GAS7: variants seen among roughly 807,000 people sequenced by gnomAD.
GAS7 encodes growth arrest specific 7.
A neutral mutation model predicts 71.1 loss-of-function variants in GAS7; 28 were observed. The observed-to-expected ratio is 0.39, with a 90% CI of 0.29 to 0.54. The LOEUF (loss-of-function observed/expected upper bound fraction) is 0.54, where lower values mean the gene tolerates loss of function less well. Ranked by LOEUF, GAS7 falls within the 20% of genes least tolerant of loss-of-function variation. GAS7 has a pLI of 0.62. For synonymous variants in GAS7, 258 were observed against 245.8 expected, an observed-to-expected ratio of 1.05 and a Z score of -0.46; for missense variants, 436 against 627.8, an observed-to-expected ratio of 0.69 and a Z score of 3.27.
chr17:10,065,480 G>A (rs2073272298), intron 1 of GAS7, among the ~76,000 whole-genome samples: 1 of 152,122 alleles, frequency 6.6e-6, no homozygotes, highest in African/African-American at 2.4e-5. Context: ...TCAGCTCCTG[G>A]TAGCCGCTGG....
chr17:10,098,606 T>C (rs2073667927), intron 1 of GAS7, among the ~76,000 whole-genome samples: 1 of 152,146 alleles, frequency 6.6e-6, no homozygotes, highest in Non-Finnish European at 1.5e-5. Context: ...GCTACAAGGA[T>C]TGGCTCAGAG....
chr17:10,092,098 CCT>C (rs1434467810), intron 1 of GAS7, among the ~76,000 whole-genome samples: 9 of 152,202 alleles, frequency 5.9e-5, no homozygotes, highest in Non-Finnish European at 7.3e-5. Context: ...ACAATGGCCT[CCT>C]CTGAGTCCTC....
chr17:10,023,465 T>C (rs1440170057), intron 1 of GAS7, among the ~76,000 whole-genome samples: 1 of 151,782 alleles, frequency 6.6e-6, no homozygotes, highest in Non-Finnish European at 1.5e-5. Context: ...GATGGATGGA[T>C]AGTGTAGTAC....
chr17:10,068,036 G>T (rs976810354), intron 1 of GAS7, among the ~76,000 whole-genome samples: 4 of 152,122 alleles, frequency 2.6e-5, no homozygotes, highest in African/African-American at 9.7e-5. Flanking sequence ...ACTATTTTGG[G>T]ATTGTGCTCT....
chr17:10,059,544 A>T (rs1006311056), intron 1 of GAS7: 4 of 207,548 alleles, frequency 1.9e-5, no homozygotes, highest in African/African-American at 7.1e-5. Flanking sequence ...TCCCCCCCAG[A>T]GCAGAGCCAA....
chr17:10,046,931 G>A (rs1040568837), intron 1 of GAS7, among the ~76,000 whole-genome samples: 1 of 148,712 alleles, frequency 6.7e-6, no homozygotes, highest in Non-Finnish European at 1.5e-5. Flanking sequence ...TTGTAAAAGG[G>A]GAAATAAGAC....
chr17:10,045,934 T>A (rs184281898), intron 1 of GAS7, among the ~76,000 whole-genome samples: 327 of 152,292 alleles, frequency 2.1e-3, no homozygotes, highest in African/African-American at 7.6e-3. Flanking sequence ...CCCTAAGCAA[T>A]AATATCTATG....
chr17:10,117,941 G>A (rs1261061083), intron 1 of GAS7, among the ~76,000 whole-genome samples: 2 of 152,266 alleles, frequency 1.3e-5, no homozygotes, highest in African/African-American at 2.4e-5. Flanking sequence ...TCCAGCGGCT[G>A]GAAGGACAAA....
intron 4 of GAS7, among the ~76,000 whole-genome samples, chr17:9,963,057 A>G (rs927833802): frequency 6.6e-6 from 1 of 152,132 alleles, no homozygotes; most frequent in Non-Finnish European, 1.5e-5. Flanking sequence ...AAAAAAAGAA[A>G]AAAAGGTGTA....
chr17:10,005,277 G>A (rs1215546827), intron 2 of GAS7, among the ~76,000 whole-genome samples: 1 of 147,784 alleles, frequency 6.8e-6, no homozygotes, highest in Non-Finnish European at 1.5e-5. Context: ...GTATGTATAT[G>A]TATATACATG....
intron 1 of GAS7, among the ~76,000 whole-genome samples, chr17:10,130,168 CAA>C (rs531238905): frequency 2.4e-5 from 2 of 82,940 alleles, no homozygotes; most frequent in Admixed American, 1.5e-4. Context: ...GACTCAGCCT[CAA>C]AAAAAAAAAC....
chr17:10,075,035 C>T (rs2073376521), intron 1 of GAS7, among the ~76,000 whole-genome samples: 1 of 151,760 alleles, frequency 6.6e-6, no homozygotes, highest in South Asian at 2.1e-4. Flanking sequence ...ACACACACAC[C>T]AGGACTAAAG....
chr17:10,069,579 GC>G (rs1414444652), intron 1 of GAS7, among the ~76,000 whole-genome samples: 8 of 152,188 alleles, frequency 5.3e-5, no homozygotes, highest in Admixed American at 4.6e-4. Flanking sequence ...CCTTAGAGAC[GC>G]AAAGCGACTT....
chr17:10,148,279 A>T (rs180797127), intron 1 of GAS7, among the ~76,000 whole-genome samples: 49 of 152,168 alleles, frequency 3.2e-4, no homozygotes, highest in African/African-American at 1.1e-3. Flanking sequence ...CTTCACCTGC[A>T]TCCCTTGGAT....
At position 9,969,648 on chromosome 17, in the gene GAS7, G is replaced by A. The variant is rs373685307; in HGVS notation, c.471+29C>T. 5.3e-5 allele frequency: 72 copies of A among 1,350,442 alleles called. No homozygotes were observed. Among genetic ancestry groups the A allele is most frequent in the African/African-American group, 3.7e-4 (26 of 69,904 alleles). 83.7% of individuals were successfully genotyped at this position (1,350,442 alleles called of 1,614,324 possible). ...TCCTAGGCCTGCAGAAGCAGTGACC[G>A]CTATACCTCCCTCAACAGGACCCCT... On this transcript the variant is annotated intron_variant, in intron 4 of 13. Coordinates refer to ENST00000432992, the MANE Select transcript of GAS7 (RefSeq NM_201433.2). The surrounding 1 kb of genome is among the most constrained non-coding windows in gnomAD (Gnocchi z 5.5).
chr17:9,925,756 AC>A (rs1199306437), intron 10 of GAS7, among the ~76,000 whole-genome samples, 157 bp from the exon 11 acceptor site: 1 of 152,108 alleles, frequency 6.6e-6, no homozygotes, highest in African/African-American at 2.4e-5. Context: ...GAGTGGCACC[AC>A]CCAGCTAGGT....
intron 1 of GAS7, among the ~76,000 whole-genome samples, chr17:10,033,822 C>T (rs190009852): frequency 2.0e-3 from 298 of 152,328 alleles, no homozygotes; most frequent in Middle Eastern, 0.01. Flanking sequence ...CAGCTCATTT[C>T]CCCAACACGG....
chr17:9,971,481 C>T (rs1266695340), intron 3 of GAS7, among the ~76,000 whole-genome samples: 1 of 152,114 alleles, frequency 6.6e-6, no homozygotes, highest in African/African-American at 2.4e-5. Context: ...GGGAGGATAG[C>T]TTGAGCCTGG....
chr17:10,083,173 G>A (rs867612599), intron 1 of GAS7, among the ~76,000 whole-genome samples: 7 of 152,302 alleles, frequency 4.6e-5, no homozygotes, highest in Middle Eastern at 3.4e-3. Flanking sequence ...AATACGAATG[G>A]CAGATACATT....
Sources: gnomAD v4.1 joint callset for allele counts (sites outside exome capture counted in the v4.1 genomes callset) on GRCh38, gnomAD v4.1.1 for gene constraint, Gnocchi (gnomAD v3.1) non-coding constraint, MANE v1.5 for transcripts, NCBI Gene and HGNC (gene_info 2026-07-23, HGNC 2026-07-21) for gene names.